RBBP8: variants seen among roughly 807,000 people sequenced by gnomAD.
The protein encoded by RBBP8 is DNA endonuclease RBBP8.
A neutral mutation model predicts 108.3 loss-of-function variants in RBBP8; 88 were observed. The ratio of observed to expected loss-of-function variants is 0.81; its 90% CI spans 0.68 to 0.97. RBBP8 has a LOEUF of 0.97. Ranked by LOEUF, RBBP8 falls within the 50% of genes least tolerant of loss-of-function variation. RBBP8 has a pLI of 0.00. For missense variants in RBBP8, 1,023 were observed against 1,049.0 expected (o/e 0.98, Z 0.34); for synonymous variants, 332 against 348.2 (o/e 0.95, Z 0.52).
chr18:22,989,122 C>G (rs1248718258), intron 8 of RBBP8, 99 bp from the exon 9 acceptor site: 1 of 831,646 alleles, frequency 1.2e-6, no homozygotes, highest in African/African-American at 1.7e-5. Context: ...GAAGTGTGAG[C>G]CTTTTCCTTC....
chr18:22,926,982 G>C (rs1909812550), intron 3 of RBBP8, among the ~76,000 whole-genome samples: 1 of 152,132 alleles, frequency 6.6e-6, no homozygotes, highest in African/African-American at 2.4e-5. Context: ...TGGCACTTGA[G>C]GCAAGATCAC....
chr18:22,973,157 G>A (rs1167786973), intron 5 of RBBP8, among the ~76,000 whole-genome samples: 1 of 152,032 alleles, frequency 6.6e-6, no homozygotes, highest in Non-Finnish European at 1.5e-5. Flanking sequence ...GCAATTTGTG[G>A]GCCATGTTGC....
At chr18:22,998,188 C>A (rs1018331240) in intron 14 of RBBP8, among the ~76,000 whole-genome samples, 2 of 152,054 alleles carry the variant, frequency 1.3e-5, no homozygotes, top group African/African-American at 4.8e-5. Context: ...AGTGGTATAA[C>A]AGTAAGTCTT....
At chr18:23,007,699 GAAAA>G (rs367964120) in intron 16 of RBBP8, among the ~76,000 whole-genome samples, 1 of 112,534 alleles carries the variant, frequency 8.9e-6, no homozygotes, top group African/African-American at 3.9e-5. Flanking sequence ...CTCCGTCTCA[GAAAA>G]AAAAAAAAAA....
chr18:22,944,456 A>C (rs530094041), intron 2 of RBBP8, among the ~76,000 whole-genome samples: 1 of 152,352 alleles, frequency 6.6e-6, no homozygotes, highest in East Asian at 1.9e-4. Flanking sequence ...TAAAAACAAA[A>C]AAAAAATCTG....
At chr18:22,937,065 A>G (rs1910635573) in intron 2 of RBBP8, 105 bp downstream of exon 2, 3 of 1,539,156 alleles carry the variant, frequency 1.9e-6, no homozygotes, top group East Asian at 4.9e-5. Flanking sequence ...TTCAGCTTTT[A>G]GGTTCCGGGG....
At chr18:22,971,167 C>T (rs1394835043) in intron 5 of RBBP8, among the ~76,000 whole-genome samples, 1 of 149,822 alleles carries the variant, frequency 6.7e-6, no homozygotes, top group Non-Finnish European at 1.5e-5. Context: ...AAAAAAGCTT[C>T]TTTGAACACC....
At chr18:22,987,231 G>A (rs1271819003) in intron 8 of RBBP8, among the ~76,000 whole-genome samples, 2 of 152,190 alleles carry the variant, frequency 1.3e-5, no homozygotes, top group South Asian at 2.1e-4. Flanking sequence ...GCAAGAGAGA[G>A]GGAAGGGGGA....
chr18:22,965,093 A>C (rs1913459513), intron 4 of RBBP8, among the ~76,000 whole-genome samples: 1 of 152,172 alleles, frequency 6.6e-6, no homozygotes, highest in African/African-American at 2.4e-5. Context: ...CAATGATGTT[A>C]AGTGAAGGCT....
At position 22,939,367 on chromosome 18, in the gene RBBP8, G is replaced by GAGC. The variant is rs1910859274; in HGVS notation, c.109+2407_109+2408insAGC. 3.3e-5 allele frequency among the ~76,000 whole-genome samples: 5 copies of GAGC among 152,240 alleles called. No individual in the cohort carries two copies. The South Asian group carries it at 1.0e-3, about 32-fold the overall frequency. On this transcript the variant is annotated intron_variant, in intron 2 of 18. Transcript: ENST00000327155. ...ACTAAAAATACAAAATTAGCCGGGT[G>GAGC]TGGTGGTGCGCACCTGTAATCCCCG...
chr18:23,005,093 G>A (rs2046017869), intron 15 of RBBP8, among the ~76,000 whole-genome samples: 1 of 152,108 alleles, frequency 6.6e-6, no homozygotes, highest in Non-Finnish European at 1.5e-5. Flanking sequence ...AACCTGGGAG[G>A]CAGAAGTTGC....
intron 3 of RBBP8, among the ~76,000 whole-genome samples, chr18:22,927,410 G>C (rs143208478): frequency 5.3e-5 from 8 of 152,230 alleles, no homozygotes; most frequent in Admixed American, 5.2e-4. Context: ...GGATACCCAC[G>C]TCCCAGTTCC....
At chr18:22,946,234 G>A (rs1008315405) in intron 2 of RBBP8, 1 of 532,056 alleles carries the variant, frequency 1.9e-6, no homozygotes, top group Middle Eastern at 3.5e-4. Context: ...TGGGGAAAAT[G>A]TTATTCCATT....
At chr18:22,950,742 A>G (rs1278932904) in intron 4 of RBBP8, among the ~76,000 whole-genome samples, 1 of 152,148 alleles carries the variant, frequency 6.6e-6, no homozygotes, top group African/African-American at 2.4e-5. Context: ...CAGTATAGCA[A>G]GAACTCATCT....
chr18:22,936,100 A>T (rs1387704955), intron 1 of RBBP8, among the ~76,000 whole-genome samples: 1 of 152,144 alleles, frequency 6.6e-6, no homozygotes, highest in Admixed American at 6.6e-5. Context: ...CAAAAGTTAA[A>T]AAAACCAATT....
Position 23,022,253 on chromosome 18 carries a change from A to C in RBBP8, c.2579A>C (p.Gln860Pro), listed in dbSNP as rs1009432371. The change falls in exon 18 of 19, where the codon CAG becomes CCG. Residue 860 changes from glutamine (Q) to proline (P), a missense_variant. Gln to Pro is a moderately conservative substitution (Grantham distance 76, BLOSUM62 -1). Coordinates refer to ENST00000327155, the MANE Select transcript of RBBP8 (RefSeq NM_002894.3). Reference sequence around the variant, plus strand: ...TGGGAAGTTGGTTTTCCTTCCACTCAGACTTGTATGGAAAGAGGTGAGAGT... The same window carrying C: ...TGGGAAGTTGGTTTTCCTTCCACTCCGACTTGTATGGAAAGAGGTGAGAGT... The part of the protein sequence containing the change: ...NFWEVGFPST[Q>P]TCMERGYIKE... 1.6e-5 allele frequency: 25 copies of C among 1,611,174 alleles called. No individual in the cohort carries two copies. The highest frequency in any genetic ancestry group is 2.0e-5 in the Non-Finnish European group (23 of 1,177,512).
chr18:22,947,246 G>T (rs1487299268), intron 3 of RBBP8, among the ~76,000 whole-genome samples: 3 of 151,934 alleles, frequency 2.0e-5, no homozygotes, highest in African/African-American at 7.2e-5. Context: ...TTCCAGTTGT[G>T]CAGCACTGTT....
chr18:22,941,312 C>T (rs1369262142), intron 2 of RBBP8, among the ~76,000 whole-genome samples: 3 of 152,052 alleles, frequency 2.0e-5, no homozygotes, highest in Admixed American at 6.5e-5. Context: ...GCTGGGACTA[C>T]AGGCACGCAC....
At chr18:22,924,254 G>A (rs962587349) in intron 3 of RBBP8, among the ~76,000 whole-genome samples, 2 of 148,808 alleles carry the variant, frequency 1.3e-5, no homozygotes, top group Non-Finnish European at 3.0e-5. Context: ...TCAGCCTCCT[G>A]AGTAGCTGGG....
Sources: gnomAD v4.1 joint callset for allele counts (sites outside exome capture counted in the v4.1 genomes callset) on GRCh38, gnomAD v4.1.1 for gene constraint, MANE v1.5 for transcripts, NCBI Gene and HGNC (gene_info 2026-07-23, HGNC 2026-07-21) for gene names.